Variants in TRIP12 observed in about 807,000 individuals in gnomAD.
The protein encoded by TRIP12 is E3 ubiquitin-protein ligase TRIP12.
Under a neutral mutation model 244.2 loss-of-function variants are expected in TRIP12, and 25 were observed. The ratio of observed to expected loss-of-function variants is 0.10; its 90% CI spans 0.07 to 0.14. The LOEUF (loss-of-function observed/expected upper bound fraction) is 0.14, where lower values mean the gene tolerates loss of function less well. Ranked by LOEUF, TRIP12 falls within the 10% of genes least tolerant of loss-of-function variation. The pLI is 1.00. For missense variants in TRIP12, 1,677 were observed against 2,486.4 expected (o/e 0.67, Z 6.92); for synonymous variants, 905 against 873.1 (o/e 1.04, Z -0.64).
chr2:229,786,920 AAAAC>A, intron 33 of TRIP12, among the ~76,000 whole-genome samples: 1 of 152,328 alleles, frequency 6.6e-6, no homozygotes, highest in Non-Finnish European at 1.5e-5. Context: ...GACCTAAGTA[AAAAC>A]AGTGCTGGTG....
At position 229,792,146 on chromosome 2, in the gene TRIP12, A is replaced by T. The variant is rs1337130877; in HGVS notation, c.4215+7T>A. The stretch of plus-strand genomic sequence containing the variant: ...ACATTATACATGGTGGGAATATAGT[A>T]CCTTACCAGAGACTCATCTATTTCC... On this transcript the variant is annotated splice_region_variant and intron_variant, in intron 28 of 41. Transcript: ENST00000675903. The T allele has an allele frequency of 6.2e-7, 1 of 1,614,040 alleles. No homozygotes were observed. The highest frequency in any genetic ancestry group is 1.1e-5 in the South Asian group (1 of 91,074).
intron 8 of TRIP12, among the ~76,000 whole-genome samples, chr2:229,822,059 G>A (rs2050199101): frequency 6.6e-6 from 1 of 152,208 alleles, no homozygotes; most frequent in Non-Finnish European, 1.5e-5. Flanking sequence ...AGAATCACTT[G>A]AACTCGGGAG....
intron 27 of TRIP12, among the ~76,000 whole-genome samples, chr2:229,792,428 T>C (rs2041773678): frequency 6.6e-6 from 1 of 152,226 alleles, no homozygotes; most frequent in African/African-American, 2.4e-5. Flanking sequence ...ATGAGATACC[T>C]TGGGGATGGG....
chr2:229,850,037 CAT>C (rs2058364631), intron 4 of TRIP12, among the ~76,000 whole-genome samples: 1 of 151,544 alleles, frequency 6.6e-6, no homozygotes, highest in South Asian at 2.1e-4. Flanking sequence ...TTTTAACAAA[CAT>C]ATATCAGAAT....
At chr2:229,871,606 G>A (rs2062618328) in intron 2 of TRIP12, among the ~76,000 whole-genome samples, 1 of 152,140 alleles carries the variant, frequency 6.6e-6, no homozygotes, top group Non-Finnish European at 1.5e-5. Context: ...CCCTCACCAG[G>A]AGCAGATGCC....
rs1329544154 is a variant in TRIP12, at chr2:229,805,787, T to C, written c.2593A>G (p.Thr865Ala). 6.2e-7 allele frequency: 1 copy of C among 1,610,964 alleles called. No homozygotes were observed. The highest frequency in any genetic ancestry group is 1.1e-5 in the South Asian group (1 of 90,868). Reference protein sequence around the residue: ...FNSMQQINEDTGTARAIQRKP... With the variant: ...FNSMQQINEDAGTARAIQRKP... ...CTCTGAATGGCACGTGCTGTTCCCG[T>C]GTCCTCATTGATTTGCTGCATAGAA... The change falls in exon 18 of 42, where the codon ACG becomes GCG. Residue 865 changes from threonine to alanine, a missense_variant. Thr to Ala is a moderately conservative substitution (Grantham distance 58). This residue lies in a region of TRIP12 where 572 missense variants were observed against 867.8 expected (regional missense o/e 0.66). Coordinates refer to ENST00000675903, the MANE Select transcript of TRIP12 (RefSeq NM_001348323.3).
chr2:229,810,995 C>T lies in TRIP12; in HGVS notation c.2106G>A (p.Gln702=). The change falls in exon 15 of 42, where the codon CAG becomes CAA. Residue 702 remains glutamine, a synonymous_variant. Transcript: ENST00000675903. ...ASKDLLTNVQ[Q]LLVVTPPILS... Reference sequence around the variant, plus strand: ...AAATGGGTGGAGTCACTACCAACAGCTGTTGAACATTTGTAAGCAGATCTT... The same window carrying T: ...AAATGGGTGGAGTCACTACCAACAGTTGTTGAACATTTGTAAGCAGATCTT... 1 of 1,614,100 alleles carries T rather than the reference C, an allele frequency of 6.2e-7. No individual in the cohort carries two copies. The highest frequency in any genetic ancestry group is 8.5e-7 in the Non-Finnish European group (1 of 1,179,998).
chr2:229,813,784 C>CA, intron 13 of TRIP12, 86 bp downstream of exon 13: 4 of 1,023,122 alleles, frequency 3.9e-6, no homozygotes, highest in Non-Finnish European at 5.0e-6. Flanking sequence ...ACTCCCATCT[C>CA]AAAAAAATAA....
rs145846875 is a variant in TRIP12, at chr2:229,788,775, C to T, written c.4838+23G>A. 2.3e-4 allele frequency: 367 copies of T among 1,602,682 alleles called. No homozygotes were observed. The African/African-American group carries it at 4.5e-3, about 20-fold the overall frequency. ...AACCCAGTAACATTTCCAAGGCCAC[C>T]ATTACAGAAGTGATTGTCTTACCAG... On this transcript the variant is annotated intron_variant, in intron 32 of 41. Transcript: ENST00000675903.
At chr2:229,877,403 G>T (rs564142542) in intron 2 of TRIP12, among the ~76,000 whole-genome samples, 2 of 152,084 alleles carry the variant, frequency 1.3e-5, no homozygotes, top group Non-Finnish European at 2.9e-5. Context: ...GGTGGCAGGC[G>T]CCTGTAATCC....
intron 16 of TRIP12, 68 bp from the exon 17 acceptor site, chr2:229,807,932 A>G: frequency 6.8e-7 from 1 of 1,473,064 alleles, no homozygotes; most frequent in Non-Finnish European, 9.1e-7. Flanking sequence ...GTCTCTAAAG[A>G]AAAATAATCT....
At position 229,802,477 on chromosome 2, in the gene TRIP12, T is replaced by A. The variant is rs1559504223; in HGVS notation, c.2999-18A>T. ...CATTACACCTTTATAATAACAGAGA[T>A]GAAAGGGAGTCAGTTTTAATCAGGA... is the stretch of plus-strand genomic sequence containing the variant. On this transcript the variant is annotated intron_variant, in intron 20 of 41. Transcript: ENST00000675903. The A allele has an allele frequency of 1.9e-6, 3 of 1,591,286 alleles. No homozygotes were observed. In the South Asian group the frequency reaches 3.4e-5, roughly 18 times the overall value.
At chr2:229,809,035 A>ACAG (rs1403724336) in intron 15 of TRIP12, among the ~76,000 whole-genome samples, 1 of 152,208 alleles carries the variant, frequency 6.6e-6, no homozygotes, top group African/African-American at 2.4e-5. Flanking sequence ...ACCTAAAGAC[A>ACAG]CAGCTGGGTC....
intron 1 of TRIP12, chr2:229,921,653 C>CCGCGGCCGCCCTCGAGCGTCTCT (rs1167375501): frequency 1.3e-5 from 2 of 152,230 alleles, no homozygotes; most frequent in African/African-American, 2.4e-5. Flanking sequence ...GTCCCTCCGG[C>CCGCGGCCGCCCTCGAGCGTCTCT]CGCGGCCGCC....
At chr2:229,773,964 G>C in intron 38 of TRIP12, 133 bp downstream of exon 38, 1 of 832,522 alleles carries the variant, frequency 1.2e-6, no homozygotes, top group Non-Finnish European at 1.9e-6. Flanking sequence ...GCCTTGTAAA[G>C]CAGCCTTCAT....
chr2:229,819,314 G>A (rs1040041135), intron 8 of TRIP12, among the ~76,000 whole-genome samples: 24 of 152,312 alleles, frequency 1.6e-4, no homozygotes, highest in African/African-American at 5.3e-4. Flanking sequence ...GGAGGCCAAG[G>A]CAAGTGGATC....
At chr2:229,837,090 C>T (rs62190441) in intron 5 of TRIP12, 106 bp from the exon 6 acceptor site, 32,547 of 1,211,390 alleles carry the variant, frequency 0.027, 507 homozygotes, top group Non-Finnish European at 0.031. Flanking sequence ...GTTTCTTCTT[C>T]GTCCTCTTTT....
chr2:229,905,694 C>T (rs2072540424), intron 1 of TRIP12, among the ~76,000 whole-genome samples: 1 of 152,124 alleles, frequency 6.6e-6, no homozygotes, highest in Admixed American at 6.5e-5. Flanking sequence ...ACTTAAGGTA[C>T]ACAAGTCTAG....
At chr2:229,796,491 T>A (rs2042853222) in intron 25 of TRIP12, 100 bp downstream of exon 25, 1 of 1,102,938 alleles carries the variant, frequency 9.1e-7, no homozygotes, top group East Asian at 2.7e-5. Context: ...TCCCTCAATG[T>A]CTTGACCAAG....
Sources: allele counts gnomAD v4.1 joint callset (sites outside exome capture counted in the v4.1 genomes callset), GRCh38; gene constraint gnomAD v4.1.1; regional missense constraint gnomAD v4.1.1; transcripts MANE v1.5; gene names NCBI Gene and HGNC (gene_info 2026-07-23, HGNC 2026-07-21).